TMEM267: variants seen among roughly 807,000 people sequenced by gnomAD.
TMEM267 encodes transmembrane protein C5orf28.
TMEM267 carries 20 observed loss-of-function variants against 19.3 expected under a neutral mutation model. That is an observed-to-expected ratio of 1.04 (90% CI 0.73 to 1.51). The LOEUF (loss-of-function observed/expected upper bound fraction) is 1.51. Among genes scored for constraint, TMEM267 ranks in the 40% most tolerant of loss-of-function variants. The pLI, the probability that TMEM267 is intolerant of heterozygous loss-of-function variation, is 0.00. For missense variants in TMEM267, 242 were observed against 261.9 expected, an observed-to-expected ratio of 0.92 and a Z score of 0.52; for synonymous variants, 88 against 90.3, an observed-to-expected ratio of 0.97 and a Z score of 0.15.
chr5:43,456,897 A>G (rs1742984889), intron 1 of TMEM267, among the ~76,000 whole-genome samples: 1 of 152,208 alleles, frequency 6.6e-6, no homozygotes, highest in African/African-American at 2.4e-5. Context: ...ACTTCTAGGT[A>G]TTTTCCCAAA....
At position 43,479,697 on chromosome 5, in the gene TMEM267, A is replaced by G. The variant is rs145308390; in HGVS notation, c.-75+4125T>C. On this transcript the variant is annotated intron_variant, in intron 1 of 2. Transcript: ENST00000397080. ...TATGTGAAGCGTACTTACTTTGCAGATAACAACTATTTTTTAAATGATAAT... is the reference window on the plus strand; with the variant it reads ...TATGTGAAGCGTACTTACTTTGCAGGTAACAACTATTTTTTAAATGATAAT... Among the ~76,000 whole-genome samples the G allele has an allele frequency of 2.0e-4, 31 of 152,234 alleles. No homozygotes were observed. The East Asian group carries it at 6.0e-3, about 29-fold the overall frequency.
chr5:43,450,710 G>A (rs931878711), intron 2 of TMEM267, among the ~76,000 whole-genome samples: 2 of 152,190 alleles, frequency 1.3e-5, no homozygotes, highest in Non-Finnish European at 2.9e-5. Context: ...AATACGTTAT[G>A]CAGCCTAAAT....
At chr5:43,453,458 G>A (rs969362972) in intron 2 of TMEM267, among the ~76,000 whole-genome samples, 200 bp downstream of exon 2, 1 of 152,200 alleles carries the variant, frequency 6.6e-6, no homozygotes, top group Non-Finnish European at 1.5e-5. Context: ...TGAATCCATA[G>A]CAGTTTGTGA....
chr5:43,448,495 A>G (rs57547662), intron 2 of TMEM267, among the ~76,000 whole-genome samples: 88,901 of 151,988 alleles, frequency 0.58, 28,642 homozygotes, highest in African/African-American at 0.84. Context: ...AAAAATATCA[A>G]GCCAGGTGGA....
At chr5:43,464,046 CT>C (rs1743450956) in intron 1 of TMEM267, among the ~76,000 whole-genome samples, 3 of 152,132 alleles carry the variant, frequency 2.0e-5, no homozygotes, top group Admixed American at 2.0e-4. Context: ...GATTGTATAT[CT>C]AGAAAACCCC....
chr5:43,483,499 A>T (rs1409896438), intron 1 of TMEM267, among the ~76,000 whole-genome samples: 1 of 152,200 alleles, frequency 6.6e-6, no homozygotes, highest in East Asian at 1.9e-4. Context: ...ACCCTGGGCC[A>T]GAAAAAGGCC....
chr5:43,449,600 A>C (rs1211562794), intron 2 of TMEM267, among the ~76,000 whole-genome samples: 4 of 152,244 alleles, frequency 2.6e-5, no homozygotes, highest in Non-Finnish European at 5.9e-5. Flanking sequence ...CCCTCCACGC[A>C]AAAGATAAAA....
chr5:43,450,107 G>A (rs954955355), intron 2 of TMEM267, among the ~76,000 whole-genome samples: 1 of 150,336 alleles, frequency 6.7e-6, no homozygotes, highest in Non-Finnish European at 1.5e-5. Flanking sequence ...TGATCCTCTT[G>A]CCTCAGCCTC....
At chr5:43,459,264 A>C (rs1184666389) in intron 1 of TMEM267, among the ~76,000 whole-genome samples, 1 of 152,156 alleles carries the variant, frequency 6.6e-6, no homozygotes, top group African/African-American at 2.4e-5. Flanking sequence ...GAAGGGAGAC[A>C]AATAAAGAAA....
At chr5:43,461,001 G>T (rs538401782) in intron 1 of TMEM267, among the ~76,000 whole-genome samples, 1 of 152,322 alleles carries the variant, frequency 6.6e-6, no homozygotes, top group South Asian at 2.1e-4. Flanking sequence ...GCAGCCAAAG[G>T]TATGCTGGCA....
chr5:43,457,869 G>T (rs983802430), intron 1 of TMEM267, among the ~76,000 whole-genome samples: 1 of 152,114 alleles, frequency 6.6e-6, no homozygotes, highest in Non-Finnish European at 1.5e-5. Flanking sequence ...TTTTCTGTAT[G>T]TTTGAAATTT....
At chr5:43,469,807 G>T (rs1743954896) in intron 1 of TMEM267, among the ~76,000 whole-genome samples, 1 of 152,260 alleles carries the variant, frequency 6.6e-6, no homozygotes, top group East Asian at 1.9e-4. Flanking sequence ...CTCACAATTT[G>T]CCCAGAAGGA....
chr5:43,474,813 A>T (rs1244415859), intron 1 of TMEM267, among the ~76,000 whole-genome samples: 2 of 152,024 alleles, frequency 1.3e-5, no homozygotes, highest in Non-Finnish European at 2.9e-5. Context: ...GTCATTAGAG[A>T]TATGCAAATC....
chr5:43,462,628 A>C (rs980391487), intron 1 of TMEM267, among the ~76,000 whole-genome samples: 1 of 152,192 alleles, frequency 6.6e-6, no homozygotes, highest in East Asian at 1.9e-4. Flanking sequence ...CTGGAGCTGA[A>C]AAATGCAATT....
intron 2 of TMEM267, 60 bp downstream of exon 2, chr5:43,453,598 G>A: frequency 6.9e-7 from 1 of 1,438,966 alleles, no homozygotes; most frequent in East Asian, 2.3e-5. Context: ...ATGCTGTAAA[G>A]ATCAGCAAAA....
chr5:43,483,367 C>G (rs935035253), intron 1 of TMEM267, among the ~76,000 whole-genome samples: 8 of 152,302 alleles, frequency 5.3e-5, no homozygotes, highest in Admixed American at 3.9e-4. Flanking sequence ...ATGGGCCAGG[C>G]TGCAGGGAAA....
intron 1 of TMEM267, among the ~76,000 whole-genome samples, chr5:43,465,270 C>T (rs529005678): frequency 1.3e-5 from 2 of 152,164 alleles, no homozygotes; most frequent in African/African-American, 4.8e-5. Context: ...CCATCTCACA[C>T]CAGTTAGAAT....
intron 2 of TMEM267, among the ~76,000 whole-genome samples, chr5:43,448,791 C>G (rs571051347): frequency 6.7e-6 from 1 of 149,236 alleles, no homozygotes; most frequent in South Asian, 2.1e-4. Context: ...ACAACCCCCC[C>G]CCACAAAAAA....
intron 2 of TMEM267, among the ~76,000 whole-genome samples, chr5:43,452,301 T>C (rs553090519): frequency 1.3e-5 from 2 of 152,046 alleles, no homozygotes; most frequent in South Asian, 4.1e-4. Context: ...TACAGCAACA[T>C]GGATGGAACT....
Sources: allele counts gnomAD v4.1 joint callset (sites outside exome capture counted in the v4.1 genomes callset), GRCh38; gene constraint gnomAD v4.1.1; transcripts MANE v1.5; gene names NCBI Gene and HGNC (gene_info 2026-07-23, HGNC 2026-07-21).